Variants in CCND2 observed in about 807,000 individuals in gnomAD.
CCND2 encodes G1/S-specific cyclin-D2.
In CCND2, 6 loss-of-function variants were observed where a neutral mutation model predicts 30.2. That is an observed-to-expected ratio of 0.20 (90% CI 0.11 to 0.39). The LOEUF (loss-of-function observed/expected upper bound fraction) is 0.39, where lower values mean the gene tolerates loss of function less well. Ranked by LOEUF, CCND2 falls within the 10% of genes least tolerant of loss-of-function variation. The pLI, the probability that CCND2 is intolerant of heterozygous loss-of-function variation, is 1.00. For missense variants in CCND2, 235 were observed against 373.4 expected (o/e 0.63, Z 3.06); for synonymous variants, 150 against 153.1 (o/e 0.98, Z 0.15).
Position 4,300,352 on chromosome 12 carries a change from G to T in CCND2, c.*343G>T, listed in dbSNP as rs1028544539. 6 of 268,594 alleles carry T rather than the reference G, an allele frequency of 2.2e-5. No individual in the cohort carries two copies. Among genetic ancestry groups the T allele is most frequent in the Non-Finnish European group, 4.3e-5 (6 of 140,002 alleles). 16.6% of individuals were successfully genotyped at this position (268,594 alleles called of 1,614,324 possible). A position where few individuals can be genotyped will look rare whatever the true frequency, so the allele number is the denominator to read the frequency against. ...TGCAATATGGGAACAAATTAGAGGAGACTTTTTTTTTTCATGTTATGAGCT... is the reference window on the plus strand; with the variant it reads ...TGCAATATGGGAACAAATTAGAGGATACTTTTTTTTTTCATGTTATGAGCT... On this transcript the variant is annotated 3_prime_UTR_variant, in exon 5 of 5. Transcript: ENST00000261254.
intron 4 of CCND2, among the ~76,000 whole-genome samples, chr12:4,297,416 C>A (rs7398804): frequency 0.29 from 43,686 of 151,464 alleles, 7,249 homozygotes; most frequent in Middle Eastern, 0.53. Flanking sequence ...ACTATAAATA[C>A]AAAAATCAGC....
chr12:4,276,021 A>G lies in CCND2; in HGVS notation c.212A>G (p.Lys71Arg). Residue 71 changes from lysine to arginine, a missense_variant, in exon 2 of 5, where the codon AAG (lysine) becomes AGG (arginine). Coordinates refer to ENST00000261254, the MANE Select transcript of CCND2 (RefSeq NM_001759.4). The surrounding 1 kb of genome is among the most constrained non-coding windows in gnomAD (Gnocchi z 4.8). Reference sequence around the variant, plus strand: ...CCATTATAGGTCTGTGAGGAACAGAAGTGCGAAGAAGAGGTCTTCCCTCTG... The same window carrying G: ...CCATTATAGGTCTGTGAGGAACAGAGGTGCGAAGAAGAGGTCTTCCCTCTG... ...TWMLEVCEEQ[K>R]CEEEVFPLAM... 1 of 1,611,612 alleles carries G rather than the reference A, an allele frequency of 6.2e-7. No individual in the cohort carries two copies. Among genetic ancestry groups the G allele is most frequent in the Non-Finnish European group, 8.5e-7 (1 of 1,178,506 alleles).
intron 4 of CCND2, among the ~76,000 whole-genome samples, chr12:4,294,477 G>A (rs754122089): frequency 2.0e-5 from 3 of 152,166 alleles, no homozygotes; most frequent in Non-Finnish European, 4.4e-5. Flanking sequence ...TCCTAGAGCC[G>A]CCACACTTGA....
At chr12:4,286,680 T>G (rs1343213207) in intron 3 of CCND2, among the ~76,000 whole-genome samples, 1 of 152,214 alleles carries the variant, frequency 6.6e-6, no homozygotes, top group African/African-American at 2.4e-5. Context: ...AAAATCTTCT[T>G]AGTAAAACAA....
At position 4,301,944 on chromosome 12, in the gene CCND2, G is replaced by C. The variant is rs1449937240; in HGVS notation, c.*1935G>C. 1.0e-5 allele frequency: 2 copies of C among 199,626 alleles called. No individual in the cohort carries two copies. The highest frequency in any genetic ancestry group is 2.0e-5 in the Non-Finnish European group (2 of 100,268). 12.4% of individuals were successfully genotyped at this position (199,626 alleles called of 1,614,324 possible). A position where few individuals can be genotyped will look rare whatever the true frequency, so the allele number is the denominator to read the frequency against. On this transcript the variant is annotated 3_prime_UTR_variant, in exon 5 of 5. Transcript: ENST00000261254. ...TTTTTTTTTCTTTTTTGGTTTTTTG[G>C]TTTTTTTTTTTTCCTCTGATCACAT...
In CCND2 at chr12:4,276,255, G is replaced by C; in HGVS notation, c.411+35G>C. Reference sequence around the variant, plus strand: ...GGCCCCTTCCTCCCTTCCTTTCTGCGATTCCCGCTTTCCCCTGGCCAACAA... The same window carrying C: ...GGCCCCTTCCTCCCTTCCTTTCTGCCATTCCCGCTTTCCCCTGGCCAACAA... On this transcript the variant is annotated intron_variant, in intron 2 of 4. Coordinates refer to ENST00000261254, the MANE Select transcript of CCND2 (RefSeq NM_001759.4). This position sits in a 1 kb window ranked among gnomAD's most constrained non-coding sequence, Gnocchi z 4.8. 6.4e-7 allele frequency: 1 copy of C among 1,573,718 alleles called. No individual in the cohort carries two copies. Among genetic ancestry groups the C allele is most frequent in the East Asian group, 2.3e-5 (1 of 44,288 alleles).
In CCND2 at chr12:4,301,161, C is replaced by T. The variant is rs1399798581; in HGVS notation, c.*1152C>T. On this transcript the variant is annotated 3_prime_UTR_variant, in exon 5 of 5. Coordinates refer to ENST00000261254, the MANE Select transcript of CCND2 (RefSeq NM_001759.4). ...TTCCTACCAGGACTCAAGAGACACC[C>T]CTTCCTGCTGACATTCCCATCACAA... The T allele has an allele frequency of 8.6e-6, 2 of 233,474 alleles. No homozygotes were observed. Among genetic ancestry groups the T allele is most frequent in the Non-Finnish European group, 1.7e-5 (2 of 118,018 alleles). The allele number at this position is 233,474 out of a possible 1,614,324, so 14.5% of individuals were successfully genotyped here.
Position 4,301,078 on chromosome 12 carries a change from C to A in CCND2, c.*1069C>A, listed in dbSNP as rs373098535. 3.4e-5 allele frequency: 8 copies of A among 233,536 alleles called. No individual in the cohort carries two copies. In the East Asian group the frequency reaches 4.8e-4, roughly 14 times the overall value. 14.5% of individuals were successfully genotyped at this position (233,536 alleles called of 1,614,324 possible). On this transcript the variant is annotated 3_prime_UTR_variant, in exon 5 of 5. Transcript: ENST00000261254. ...CTTTTGCCCCCTCCCTTCCTGCCCC[C>A]AGTCTGGGTTACTCTTCGCTTCTGG...
Position 4,274,024 on chromosome 12 carries a change from G to A in CCND2, c.-17G>A. The A allele has an allele frequency of 1.2e-6, 2 of 1,605,236 alleles. No homozygotes were observed. Among genetic ancestry groups the A allele is most frequent in the East Asian group, 2.2e-5 (1 of 44,678 alleles). ...AGGCCGGGGAAAGCAGGAGGGAGAG[G>A]GGCCGCCGGGCTGGCCATGGAGCTG... On this transcript the variant is annotated 5_prime_UTR_variant, in exon 1 of 5. Transcript: ENST00000261254. The surrounding 1 kb of genome is among the most constrained non-coding windows in gnomAD (Gnocchi z 7.7).
intron 4 of CCND2, among the ~76,000 whole-genome samples, chr12:4,297,157 G>A (rs913564465): frequency 1.6e-4 from 15 of 95,594 alleles, no homozygotes; most frequent in Admixed American, 3.7e-4. Flanking sequence ...AGTTCTGACC[G>A]TTGTCACTTT....
In CCND2 at chr12:4,282,668, TG is replaced by T. The variant is rs1213126629; in HGVS notation, c.571+3750del. 6.6e-6 allele frequency among the ~76,000 whole-genome samples: 1 copy of T among 152,152 alleles called. No homozygotes were observed. Among genetic ancestry groups the T allele is most frequent in the African/African-American group, 2.4e-5 (1 of 41,428 alleles). ...ACAAGCAGCCAGGCAGTGTGGTGCTTGCCATCGCTCTTCCCTCTGGCTGTAA... is the reference window on the plus strand; with the variant it reads ...ACAAGCAGCCAGGCAGTGTGGTGCTTCCATCGCTCTTCCCTCTGGCTGTAA... On this transcript the variant is annotated intron_variant, in intron 3 of 4. Transcript: ENST00000261254. The surrounding 1 kb of genome is among the most constrained non-coding windows in gnomAD (Gnocchi z 4.3).
chr12:4,275,053 A>G (rs1170740035), intron 1 of CCND2: 1 of 149,128 alleles, frequency 6.7e-6, no homozygotes, highest in Non-Finnish European at 1.5e-5. Flanking sequence ...CGGTGCGGAG[A>G]TTTGGGTGGG....
intron 4 of CCND2, chr12:4,297,774 G>T: frequency 2.4e-6 from 1 of 424,926 alleles, no homozygotes; most frequent in South Asian, 1.7e-5. Context: ...GGTCGGACAG[G>T]GTAAGGGTAA....
chr12:4,284,711 A>G lies in CCND2; in HGVS notation c.572-4131A>G, dbSNP rs183926820. 2.0e-5 allele frequency among the ~76,000 whole-genome samples: 3 copies of G among 147,972 alleles called. No homozygotes were observed. In the Admixed American group the frequency reaches 2.0e-4, roughly 10 times the overall value. On this transcript the variant is annotated intron_variant, in intron 3 of 4. Transcript: ENST00000261254. Reference sequence around the variant, plus strand: ...TCTCAAATGCTCCTCTTCACTCAAGAGCCTCCTTTCTTTTTTTTTTTCTTT... The same window carrying G: ...TCTCAAATGCTCCTCTTCACTCAAGGGCCTCCTTTCTTTTTTTTTTTCTTT...
chr12:4,282,090 G>A lies in CCND2; in HGVS notation c.571+3171G>A, dbSNP rs1486079963. 6.6e-6 allele frequency among the ~76,000 whole-genome samples: 1 copy of A among 152,180 alleles called. No homozygotes were observed. The highest frequency in any genetic ancestry group is 2.4e-5 in the African/African-American group (1 of 41,436). On this transcript the variant is annotated intron_variant, in intron 3 of 4. Transcript: ENST00000261254. The surrounding 1 kb of genome is among the most constrained non-coding windows in gnomAD (Gnocchi z 4.3). ...TGATAGAACACCCAGGTCTGCAAGC[G>A]AGGAAAGAAGGCCATTGGAGATGAC...
At chr12:4,291,093 A>G (rs777662848) in intron 4 of CCND2, among the ~76,000 whole-genome samples, 9 of 151,956 alleles carry the variant, frequency 5.9e-5, no homozygotes, top group Non-Finnish European at 4.4e-5. Context: ...ACACTTTTTC[A>G]AAGAAAAATC....
Position 4,301,465 on chromosome 12 carries a change from GCAA to G in CCND2, c.*1461_*1463del, listed in dbSNP as rs1246628662. On this transcript the variant is annotated 3_prime_UTR_variant, in exon 5 of 5. Coordinates refer to ENST00000261254, the MANE Select transcript of CCND2 (RefSeq NM_001759.4). ...GCATTCAGTTAGCAAAGAGGTTGGA[GCAA>G]CAACTTTTTTTTTTTTTTTTGCACA... The G allele has an allele frequency of 1.4e-4, 31 of 228,714 alleles. No homozygotes were observed. In the East Asian group the frequency reaches 1.9e-3, roughly 14 times the overall value. 14.2% of individuals were successfully genotyped at this position (228,714 alleles called of 1,614,324 possible). A position where few individuals can be genotyped will look rare whatever the true frequency, so the allele number is the denominator to read the frequency against.
At chr12:4,281,069 CTG>C (rs1377979523) in intron 3 of CCND2, among the ~76,000 whole-genome samples, 5 of 152,220 alleles carry the variant, frequency 3.3e-5, no homozygotes, top group Admixed American at 6.5e-5. Context: ...GTTATAAAGA[CTG>C]TGTTTTGGGG....
chr12:4,286,002 A>T (rs1864018125), intron 3 of CCND2, among the ~76,000 whole-genome samples: 1 of 152,150 alleles, frequency 6.6e-6, no homozygotes, highest in Non-Finnish European at 1.5e-5. Flanking sequence ...CAGATCCTCA[A>T]GTAAGAGCAA....
Sources: allele counts gnomAD v4.1 joint callset (sites outside exome capture counted in the v4.1 genomes callset), GRCh38; gene constraint gnomAD v4.1.1; non-coding constraint Gnocchi (gnomAD v3.1); transcripts MANE v1.5; gene names NCBI Gene and HGNC (gene_info 2026-07-23, HGNC 2026-07-21).